Variants in HOXB3 observed in about 807,000 individuals in gnomAD.
The protein encoded by HOXB3 is homeobox B3.
Under a neutral mutation model 29.2 loss-of-function variants are expected in HOXB3, and 17 were observed. The ratio of observed to expected loss-of-function variants is 0.58; its 90% CI spans 0.40 to 0.87. HOXB3 has a LOEUF of 0.87. Ranked by LOEUF, HOXB3 falls within the 40% of genes least tolerant of loss-of-function variation. The probability of loss-of-function intolerance (pLI) is 0.00; values close to 1 mark genes in which losing one functional copy is unlikely to be tolerated. For missense variants in HOXB3, 637 were observed against 616.3 expected (o/e 1.03, Z -0.35); for synonymous variants, 317 against 285.9 (o/e 1.11, Z -1.10).
intron 2 of HOXB3, among the ~76,000 whole-genome samples, chr17:48,570,369 C>A (rs1230974245): frequency 6.6e-6 from 1 of 152,120 alleles, no homozygotes; most frequent in African/African-American, 2.4e-5. Context: ...TCGGCCGGGG[C>A]ATGGGATGGG....
chr17:48,588,309 G>A (rs778858667), intron 1 of HOXB3, among the ~76,000 whole-genome samples: 6 of 152,334 alleles, frequency 3.9e-5, no homozygotes, highest in Middle Eastern at 3.4e-3. Context: ...CACTGAGGTG[G>A]AAGTGGGCAC....
At position 48,555,565 on chromosome 17, in the gene HOXB3, AAT is replaced by A; in HGVS notation, c.-195_-194del. The stretch of plus-strand genomic sequence containing the variant: ...CGACGAGGGGAGAACAGGCAGACAT[AAT>A]ATATATTCACATCGAGCCCCAGAGC... On this transcript the variant is annotated 5_prime_UTR_variant, in exon 3 of 5. An upstream open reading frame in the 5' UTR gains an earlier in-frame stop. Coordinates refer to ENST00000498678, the MANE Select transcript of HOXB3 (RefSeq NM_001384749.1). 1 of 702,706 alleles carries A rather than the reference AAT, an allele frequency of 1.4e-6. No homozygotes were observed. The highest frequency in any genetic ancestry group is 2.6e-6 in the Non-Finnish European group (1 of 384,814). 43.5% of individuals were successfully genotyped at this position (702,706 alleles called of 1,614,324 possible). A position where few individuals can be genotyped will look rare whatever the true frequency, so the allele number is the denominator to read the frequency against.
At position 48,550,484 on chromosome 17, in the gene HOXB3, C is replaced by G; in HGVS notation, c.1146G>C (p.Gly382=). ...GLNHLSHHPS[G]NLDYNGAPPM... is the part of the protein sequence containing the mutation. ...GGGGCGCCCCGTTGTAGTCCAGGTT[C>G]CCGGAAGGGTGATGGGAAAGGTGGT... The change falls in exon 5 of 5, where the codon GGG becomes GGC. Residue 382 remains glycine, a synonymous_variant. Transcript: ENST00000498678. 1 of 1,607,942 alleles carries G rather than the reference C, an allele frequency of 6.2e-7. No homozygotes were observed. Among genetic ancestry groups the G allele is most frequent in the Middle Eastern group, 1.7e-4 (1 of 6,026 alleles).
chr17:48,580,152 C>T (rs2069897394), intron 1 of HOXB3: 3 of 270,512 alleles, frequency 1.1e-5, no homozygotes, highest in South Asian at 3.4e-5. Context: ...CGCAAAGGGA[C>T]GAGAACCTTG....
In HOXB3 at chr17:48,550,163, A is replaced by T; in HGVS notation, c.*171T>A. ...AGATGGAACAAGGGGTGGAAGACTTAAAAGCAACCTCTCAGGCCAGGGGGA... is the reference window on the plus strand; with the variant it reads ...AGATGGAACAAGGGGTGGAAGACTTTAAAGCAACCTCTCAGGCCAGGGGGA... On this transcript the variant is annotated 3_prime_UTR_variant, in exon 5 of 5. Coordinates refer to ENST00000498678, the MANE Select transcript of HOXB3 (RefSeq NM_001384749.1). 1 of 822,716 alleles carries T rather than the reference A, an allele frequency of 1.2e-6. No homozygotes were observed. Among genetic ancestry groups the T allele is most frequent in the Non-Finnish European group, 1.9e-6 (1 of 538,242 alleles). The allele number at this position is 822,716 out of a possible 1,614,324, so 51.0% of individuals were successfully genotyped here.
chr17:48,565,951 C>T (rs2069373306), intron 2 of HOXB3, among the ~76,000 whole-genome samples: 1 of 152,218 alleles, frequency 6.6e-6, no homozygotes, highest in Non-Finnish European at 1.5e-5. Context: ...CCTCATCTCA[C>T]TCTTCATCTT....
rs370301446 is a variant in HOXB3 at position 48,552,156 on chromosome 17, C to G, written c.319G>C (p.Gly107Arg). The G allele has an allele frequency of 4.3e-6, 7 of 1,613,892 alleles. No homozygotes were observed. In the African/African-American group the frequency reaches 8.0e-5, roughly 18 times the overall value. The change falls in exon 4 of 5, where the codon GGC (glycine) becomes CGC (arginine). Residue 107 changes from glycine to arginine, a missense_variant. Physicochemically the swap from Gly to Arg is moderately radical, Grantham distance 125. Coordinates refer to ENST00000498678, the MANE Select transcript of HOXB3 (RefSeq NM_001384749.1). ...GGGGGACCACTTTTGCTGGGCCCGC[C>G]CCCATTACTGCTGTTGCTAGTGGCA... Reference protein sequence around the residue: ...TSATSNSSNGGGPSKSGPPKC... With the variant: ...TSATSNSSNGRGPSKSGPPKC...
intron 2 of HOXB3, among the ~76,000 whole-genome samples, chr17:48,558,459 G>C (rs2069077751): frequency 6.6e-6 from 1 of 152,192 alleles, no homozygotes; most frequent in Non-Finnish European, 1.5e-5. Context: ...GATGGAGTGG[G>C]GGCTTCTTAA....
At chr17:48,588,159 C>T (rs1294534773) in intron 1 of HOXB3, among the ~76,000 whole-genome samples, 1 of 152,202 alleles carries the variant, frequency 6.6e-6, no homozygotes, top group Non-Finnish European at 1.5e-5. Flanking sequence ...CTCATTGCCT[C>T]CCGCAGCTTG....
chr17:48,586,058 A>C lies in HOXB3; in HGVS notation c.-425+4067T>G, dbSNP rs141466795. 5.2e-4 allele frequency among the ~76,000 whole-genome samples: 79 copies of C among 152,376 alleles called. No individual in the cohort carries two copies. The East Asian group carries it at 0.014, about 27-fold the overall frequency. On this transcript the variant is annotated intron_variant, in intron 1 of 4. Coordinates refer to ENST00000498678, the MANE Select transcript of HOXB3 (RefSeq NM_001384749.1). ...GCTGTGCTCCGAAGCCGCAAGGCTC[A>C]GCCCGGATCCACTAGGGGAGAGGCA...
intron 1 of HOXB3, chr17:48,581,096 A>G (rs974380727): frequency 2.0e-5 from 3 of 152,170 alleles, no homozygotes; most frequent in African/African-American, 7.2e-5. Context: ...AAATACAGGA[A>G]CAACACAAAA....
chr17:48,577,843 A>T, intron 1 of HOXB3: 1 of 1,390,740 alleles, frequency 7.2e-7, no homozygotes, highest in Non-Finnish European at 9.4e-7. Context: ...GGGAGGGGGA[A>T]GGGGTGCCCA....
At chr17:48,567,604 T>G (rs1452828260) in intron 2 of HOXB3, among the ~76,000 whole-genome samples, 1 of 152,142 alleles carries the variant, frequency 6.6e-6, no homozygotes, top group Non-Finnish European at 1.5e-5. Flanking sequence ...AGGAGAAAGT[T>G]AACAGCTCTT....
rs1268972090 is a variant in HOXB3 at position 48,551,023 on chromosome 17, G to A, written c.607C>T (p.Leu203=). 4 of 1,611,712 alleles carry A rather than the reference G, an allele frequency of 2.5e-6. No individual in the cohort carries two copies. The highest frequency in any genetic ancestry group is 3.4e-6 in the Non-Finnish European group (4 of 1,178,392). ...CGGTTAAAATGGAACTCCTTCTCCA[G>A]CTCCACCAGCTGCGCGCTCGTGTAC... The part of the protein sequence containing the change: ...TAYTSAQLVE[L]EKEFHFNRYL... The change falls in exon 5 of 5, where the codon CTG becomes TTG. Residue 203 remains leucine, a synonymous_variant. Transcript: ENST00000498678.
rs190867310 is a variant in HOXB3, at chr17:48,565,826, C to T, written c.-247+8011G>A. Among the ~76,000 whole-genome samples, 9 of 152,324 alleles carry T rather than the reference C, an allele frequency of 5.9e-5. No homozygotes were observed. The East Asian group carries it at 1.2e-3, about 20-fold the overall frequency. Reference sequence around the variant, plus strand: ...CCTTCCTCCAGGACAGCCTCCCTTCCCCTCTGACTGGCCTTTGTTTCCACT... The same window carrying T: ...CCTTCCTCCAGGACAGCCTCCCTTCTCCTCTGACTGGCCTTTGTTTCCACT... On this transcript the variant is annotated intron_variant, in intron 2 of 4. Coordinates refer to ENST00000498678, the MANE Select transcript of HOXB3 (RefSeq NM_001384749.1).
chr17:48,588,209 G>A (rs974612137), intron 1 of HOXB3, among the ~76,000 whole-genome samples: 2 of 152,202 alleles, frequency 1.3e-5, no homozygotes, highest in Non-Finnish European at 2.9e-5. Flanking sequence ...TTCAGCTCAG[G>A]GAGCCTGAAG....
chr17:48,571,138 C>T (rs778107611), intron 2 of HOXB3, among the ~76,000 whole-genome samples: 2 of 152,218 alleles, frequency 1.3e-5, no homozygotes, highest in African/African-American at 2.4e-5. Flanking sequence ...AGCGCCTGAT[C>T]GCGAGCCGAG....
At chr17:48,582,691 A>G (rs1051012766) in intron 1 of HOXB3, 1 of 152,226 alleles carries the variant, frequency 6.6e-6, no homozygotes, top group African/African-American at 2.4e-5. Context: ...AAAAAATGAC[A>G]GAGCAGAAAT....
chr17:48,576,629 A>G (rs993902571), intron 1 of HOXB3: 9 of 1,178,970 alleles, frequency 7.6e-6, no homozygotes, highest in African/African-American at 1.6e-5. Context: ...TCCGGGGCCC[A>G]GGCCCCAGGG....
Sources: allele counts gnomAD v4.1 joint callset (sites outside exome capture counted in the v4.1 genomes callset), GRCh38; gene constraint gnomAD v4.1.1; transcripts MANE v1.5; gene names NCBI Gene and HGNC (gene_info 2026-07-23, HGNC 2026-07-21).